AGBL4: variants seen among roughly 807,000 people sequenced by gnomAD.
AGBL4 encodes the protein AGBL carboxypeptidase 4.
AGBL4 carries 58 observed loss-of-function variants against 66.4 expected under a neutral mutation model. That is an observed-to-expected ratio of 0.87 (90% CI 0.71 to 1.09). AGBL4 has a LOEUF of 1.09. Ranked by LOEUF, AGBL4 falls within the 50% of genes least tolerant of loss-of-function variation. The probability of loss-of-function intolerance (pLI) is 0.00; values close to 1 mark genes in which losing one functional copy is unlikely to be tolerated. For missense variants in AGBL4, 579 were observed against 631.0 expected (o/e 0.92, Z 0.88); for synonymous variants, 234 against 222.9 (o/e 1.05, Z -0.44).
chr1:49,544,141 G>A (rs1386431376), intron 3 of AGBL4, among the ~76,000 whole-genome samples: 2 of 152,100 alleles, frequency 1.3e-5, no homozygotes, highest in Non-Finnish European at 2.9e-5. Context: ...GGAATGCCCT[G>A]CTTTAGGAAC....
At chr1:48,828,363 G>A (rs918854190) in intron 6 of AGBL4, among the ~76,000 whole-genome samples, 1 of 152,110 alleles carries the variant, frequency 6.6e-6, no homozygotes, top group Non-Finnish European at 1.5e-5. Flanking sequence ...AGCCATGGAG[G>A]TTGCCAAGGC....
At chr1:49,815,628 T>C (rs1645211929) in intron 2 of AGBL4, among the ~76,000 whole-genome samples, 1 of 152,084 alleles carries the variant, frequency 6.6e-6, no homozygotes, top group Non-Finnish European at 1.5e-5. Flanking sequence ...TACATTCTCA[T>C]CAACAGTATA....
intron 8 of AGBL4, among the ~76,000 whole-genome samples, chr1:48,644,462 C>T (rs186706947): frequency 1.7e-4 from 26 of 152,216 alleles, no homozygotes; most frequent in Middle Eastern, 3.4e-3. Flanking sequence ...AAGGGCAGCG[C>T]GGGGGCCAAG....
At chr1:49,604,487 CA>C (rs1414828375) in intron 3 of AGBL4, among the ~76,000 whole-genome samples, 2 of 152,118 alleles carry the variant, frequency 1.3e-5, no homozygotes, top group Non-Finnish European at 2.9e-5. Flanking sequence ...TTGTCAGATG[CA>C]TAGTTTGCCA....
chr1:48,789,887 C>T (rs1264651410), intron 6 of AGBL4, among the ~76,000 whole-genome samples: 1 of 152,180 alleles, frequency 6.6e-6, no homozygotes, highest in African/African-American at 2.4e-5. Flanking sequence ...ATGTTCAAAA[C>T]TCTCTACCCC....
intron 11 of AGBL4, among the ~76,000 whole-genome samples, chr1:48,559,879 T>C (rs1557785876): frequency 6.6e-6 from 1 of 152,150 alleles, no homozygotes; most frequent in Non-Finnish European, 1.5e-5. Context: ...GGTATCCCTG[T>C]TGCCCCTCAC....
intron 5 of AGBL4, among the ~76,000 whole-genome samples, chr1:48,902,804 T>C (rs1446032630): frequency 6.6e-6 from 1 of 152,168 alleles, no homozygotes; most frequent in Non-Finnish European, 1.5e-5. Flanking sequence ...GTAAACTTCC[T>C]AAATGCCCTG....
intron 3 of AGBL4, among the ~76,000 whole-genome samples, chr1:49,541,233 T>C (rs1651989839): frequency 6.6e-6 from 1 of 152,216 alleles, no homozygotes; most frequent in African/African-American, 2.4e-5. Flanking sequence ...ACTCTGGCCA[T>C]GCTTGAGGAG....
At chr1:49,343,543 C>T (rs538358110) in intron 3 of AGBL4, among the ~76,000 whole-genome samples, 1 of 152,302 alleles carries the variant, frequency 6.6e-6, no homozygotes, top group African/African-American at 2.4e-5. Context: ...AGAGGTAAGA[C>T]TTCCAACCAG....
intron 4 of AGBL4, among the ~76,000 whole-genome samples, chr1:49,115,380 G>A (rs868674804): frequency 6.6e-6 from 1 of 152,170 alleles, no homozygotes; most frequent in African/African-American, 2.4e-5. Context: ...TTTAGGAACG[G>A]AAAAGGTACT....
chr1:49,082,432 A>G (rs1342778623), intron 4 of AGBL4, among the ~76,000 whole-genome samples: 3 of 152,216 alleles, frequency 2.0e-5, no homozygotes, highest in Non-Finnish European at 4.4e-5. Flanking sequence ...AAGGCCTCAC[A>G]ATCATGGTGA....
chr1:49,908,175 G>C (rs1396166454), intron 1 of AGBL4, among the ~76,000 whole-genome samples: 1 of 152,094 alleles, frequency 6.6e-6, no homozygotes, highest in Admixed American at 6.6e-5. Flanking sequence ...AGGAGTTCAA[G>C]ACCAGCCTGG....
At chr1:49,699,976 C>T (rs1054391267) in intron 2 of AGBL4, among the ~76,000 whole-genome samples, 6 of 151,562 alleles carry the variant, frequency 4.0e-5, no homozygotes, top group Admixed American at 2.6e-4. Flanking sequence ...GTAGTCATTG[C>T]ATTATGTATA....
At chr1:49,638,357 A>G (rs1645717978) in intron 3 of AGBL4, among the ~76,000 whole-genome samples, 1 of 152,226 alleles carries the variant, frequency 6.6e-6, no homozygotes, top group Non-Finnish European at 1.5e-5. Flanking sequence ...AAAGTGTAAG[A>G]GAAGCTCACA....
intron 5 of AGBL4, among the ~76,000 whole-genome samples, chr1:48,868,090 C>T (rs1648287098): frequency 6.6e-6 from 1 of 152,206 alleles, no homozygotes. Flanking sequence ...AGTCCTCCTG[C>T]TGACCTCTTT....
intron 4 of AGBL4, among the ~76,000 whole-genome samples, chr1:49,108,971 T>C (rs1645352556): frequency 6.6e-6 from 1 of 152,182 alleles, no homozygotes. Flanking sequence ...GGGCCCTTCA[T>C]CCAGTTACCT....
At chr1:48,920,439 G>A (rs1653983406) in intron 5 of AGBL4, among the ~76,000 whole-genome samples, 1 of 152,112 alleles carries the variant, frequency 6.6e-6, no homozygotes, top group Non-Finnish European at 1.5e-5. Context: ...AGATTCTAGA[G>A]ATAAATATAA....
At chr1:49,013,719 A>C (rs1662617910) in intron 5 of AGBL4, among the ~76,000 whole-genome samples, 1 of 152,096 alleles carries the variant, frequency 6.6e-6, no homozygotes, top group Non-Finnish European at 1.5e-5. Flanking sequence ...AATTGCTTAC[A>C]TCAGAAAGCA....
chr1:48,722,929 A>G (rs1429565210), intron 6 of AGBL4, among the ~76,000 whole-genome samples: 1 of 152,216 alleles, frequency 6.6e-6, no homozygotes, highest in Non-Finnish European at 1.5e-5. Context: ...TACTCACATT[A>G]TCTTACTTAA....
Sources: allele counts gnomAD v4.1 joint callset (sites outside exome capture counted in the v4.1 genomes callset), GRCh38; gene constraint gnomAD v4.1.1; transcripts MANE v1.5; gene names NCBI Gene and HGNC (gene_info 2026-07-23, HGNC 2026-07-21).